ANKIB1: variants seen among roughly 807,000 people sequenced by gnomAD.
ANKIB1 encodes ankyrin repeat and IBR domain-containing protein 1.
Under a neutral mutation model 122.1 loss-of-function variants are expected in ANKIB1, and 43 were observed. That is an observed-to-expected ratio of 0.35 (90% confidence interval 0.28 to 0.45). The LOEUF is 0.45. Among genes scored for constraint, ANKIB1 ranks in the 20% least tolerant of loss-of-function variants. The pLI is 1.00. For missense variants in ANKIB1, 992 were observed against 1,329.5 expected (o/e 0.75, Z 3.95); for synonymous variants, 390 against 442.0 (o/e 0.88, Z 1.48).
At chr7:92,253,857 G>A (rs1272581579) in intron 1 of ANKIB1, among the ~76,000 whole-genome samples, 2 of 152,148 alleles carry the variant, frequency 1.3e-5, no homozygotes, top group Admixed American at 6.5e-5. Flanking sequence ...CTTCTTTGCA[G>A]TGTGCCTTTG....
intron 10 of ANKIB1, among the ~76,000 whole-genome samples, chr7:92,364,601 A>G (rs373227871): frequency 6.6e-5 from 10 of 152,114 alleles, no homozygotes; most frequent in African/African-American, 2.4e-4. Flanking sequence ...ATTTCTTTAT[A>G]TATTTCTTTA....
intron 10 of ANKIB1, among the ~76,000 whole-genome samples, chr7:92,363,042 G>A (rs2115606818): frequency 1.3e-5 from 2 of 151,018 alleles, no homozygotes; most frequent in Admixed American, 1.3e-4. Flanking sequence ...AAATTAATTA[G>A]TTCTGGTCTT....
chr7:92,345,269 A>G (rs1360476143), intron 7 of ANKIB1, among the ~76,000 whole-genome samples: 1 of 152,190 alleles, frequency 6.6e-6, no homozygotes, highest in African/African-American at 2.4e-5. Context: ...AATTAATGCT[A>G]TTTAGCTTAA....
chr7:92,335,848 C>A (rs191206906), intron 5 of ANKIB1, among the ~76,000 whole-genome samples: 4 of 151,902 alleles, frequency 2.6e-5, no homozygotes, highest in Admixed American at 6.6e-5. Flanking sequence ...GTTCTCTGTT[C>A]CTCCTTCTCT....
intron 1 of ANKIB1, among the ~76,000 whole-genome samples, chr7:92,291,571 T>C (rs1048816457): frequency 9.6e-5 from 14 of 145,556 alleles, no homozygotes; most frequent in South Asian, 8.8e-4. Flanking sequence ...CTTTTTCTTT[T>C]TTTTTTTTTT....
chr7:92,338,933 A>ATATATATAT (rs1308730503), intron 5 of ANKIB1, among the ~76,000 whole-genome samples: 2 of 21,918 alleles, frequency 9.1e-5, no homozygotes, highest in Non-Finnish European at 1.6e-4. Context: ...AAAAAAAAAA[A>ATATATATAT]ATATATATAT....
chr7:92,257,659 G>A (rs1013132783), intron 1 of ANKIB1, among the ~76,000 whole-genome samples: 1 of 152,186 alleles, frequency 6.6e-6, no homozygotes. Flanking sequence ...GAGCATGGTG[G>A]CACATGCCTG....
chr7:92,386,804 C>T lies in ANKIB1; in HGVS notation c.1752+161C>T, dbSNP rs539460252. Among the ~76,000 whole-genome samples the T allele has an allele frequency of 3.8e-3, 578 of 152,160 alleles. 2 individuals carry two copies. Among genetic ancestry groups the T allele is most frequent in the South Asian group, 6.9e-3 (33 of 4,814 alleles). ...CAAAACAGCTCTGTAAACTTGAGAG[C>T]TTTTTCCCTTTTACATTTTCCTTTT... is the stretch of plus-strand genomic sequence containing the variant. On this transcript the variant is annotated intron_variant, in intron 12 of 19. Coordinates refer to ENST00000265742, the MANE Select transcript of ANKIB1 (RefSeq NM_019004.2).
intron 15 of ANKIB1, among the ~76,000 whole-genome samples, chr7:92,390,615 T>G (rs1804764707): frequency 6.6e-6 from 1 of 152,212 alleles, no homozygotes; most frequent in Non-Finnish European, 1.5e-5. Context: ...GCCACTAAAC[T>G]TTCTCCTGTT....
At chr7:92,263,919 G>A (rs1451888494) in intron 1 of ANKIB1, among the ~76,000 whole-genome samples, 4 of 152,016 alleles carry the variant, frequency 2.6e-5, no homozygotes, top group Non-Finnish European at 5.9e-5. Context: ...AAATATGGAC[G>A]GTATTATCTG....
intron 3 of ANKIB1, among the ~76,000 whole-genome samples, chr7:92,318,180 G>A (rs1468699772): frequency 6.6e-6 from 1 of 152,098 alleles, no homozygotes; most frequent in Non-Finnish European, 1.5e-5. Flanking sequence ...ACAATAAATA[G>A]TGACTGTTAC....
intron 1 of ANKIB1, among the ~76,000 whole-genome samples, chr7:92,255,586 T>C (rs1801419172): frequency 6.6e-6 from 1 of 152,190 alleles, no homozygotes; most frequent in Admixed American, 6.5e-5. Context: ...TTGGTGACTG[T>C]AACTTCTGGG....
At chr7:92,278,642 ATATATT>A (rs532213274) in intron 1 of ANKIB1, among the ~76,000 whole-genome samples, 1 of 152,228 alleles carries the variant, frequency 6.6e-6, no homozygotes, top group Non-Finnish European at 1.5e-5. Flanking sequence ...TCTTAGAACA[ATATATT>A]TATATAATTT....
chr7:92,352,413 C>T lies in ANKIB1; in HGVS notation c.1231-63C>T. On this transcript the variant is annotated intron_variant, in intron 8 of 19. Coordinates refer to ENST00000265742, the MANE Select transcript of ANKIB1 (RefSeq NM_019004.2). The stretch of plus-strand genomic sequence containing the variant: ...TATAGTAAATTACCATAGAGGTACA[C>T]TCTGTATTAGAATTTAGCATTAAAA... The T allele has an allele frequency of 6.6e-6, 10 of 1,510,550 alleles. No homozygotes were observed. The South Asian group carries it at 1.1e-4, about 16-fold the overall frequency. The allele number at this position is 1,510,550 out of a possible 1,614,324, so 93.6% of individuals were successfully genotyped here. A position where few individuals can be genotyped will look rare whatever the true frequency, so the allele number is the denominator to read the frequency against.
intron 5 of ANKIB1, among the ~76,000 whole-genome samples, chr7:92,333,217 T>C (rs1803211963): frequency 6.6e-6 from 1 of 152,210 alleles, no homozygotes. Flanking sequence ...GTCCCGATTT[T>C]TCATTGACTG....
chr7:92,396,873 T>G (rs1380646803), intron 18 of ANKIB1, among the ~76,000 whole-genome samples: 1 of 152,222 alleles, frequency 6.6e-6, no homozygotes, highest in Non-Finnish European at 1.5e-5. Flanking sequence ...GATACTGTTT[T>G]GTGTTCATGG....
intron 1 of ANKIB1, among the ~76,000 whole-genome samples, chr7:92,271,807 G>T (rs1435779740): frequency 6.6e-6 from 1 of 152,144 alleles, no homozygotes. Context: ...ACAAAGATTG[G>T]AAAGTTAAAG....
intron 5 of ANKIB1, among the ~76,000 whole-genome samples, chr7:92,329,668 C>T (rs1349330442): frequency 6.6e-6 from 1 of 152,170 alleles, no homozygotes; most frequent in African/African-American, 2.4e-5. Context: ...GATTAGTGGG[C>T]AGCAATATTC....
chr7:92,251,298 A>T (rs1360738318), intron 1 of ANKIB1, among the ~76,000 whole-genome samples: 1 of 152,200 alleles, frequency 6.6e-6, no homozygotes, highest in Non-Finnish European at 1.5e-5. Context: ...GTTCATTGAG[A>T]TGCTCTTAGT....
Sources: gnomAD v4.1 joint callset for allele counts (sites outside exome capture counted in the v4.1 genomes callset) on GRCh38, gnomAD v4.1.1 for gene constraint, MANE v1.5 for transcripts, NCBI Gene and HGNC (gene_info 2026-07-23, HGNC 2026-07-21) for gene names.